FMN1: variants seen among roughly 807,000 people sequenced by gnomAD.
FMN1 encodes the protein formin-1.
A neutral mutation model predicts 132.4 loss-of-function variants in FMN1; 110 were observed. That is an observed-to-expected ratio of 0.83 (90% confidence interval 0.71 to 0.97). The LOEUF (loss-of-function observed/expected upper bound fraction) is 0.97. Among genes scored for constraint, FMN1 ranks in the 50% least tolerant of loss-of-function variants. The probability of loss-of-function intolerance (pLI) is 0.00; values close to 1 mark genes in which losing one functional copy is unlikely to be tolerated. For missense variants in FMN1, 1,792 were observed against 1,705.3 expected (o/e 1.05, Z -0.90); for synonymous variants, 722 against 651.7 (o/e 1.11, Z -1.64).
intron 16 of FMN1, among the ~76,000 whole-genome samples, chr15:32,885,346 G>T (rs1168955934): frequency 2.0e-5 from 3 of 152,104 alleles, no homozygotes; most frequent in Admixed American, 6.5e-5. Flanking sequence ...TCTTCATGAG[G>T]CTTCACATTT....
intron 17 of FMN1, among the ~76,000 whole-genome samples, chr15:32,856,727 C>T (rs1268603473): frequency 6.6e-6 from 1 of 152,174 alleles, no homozygotes; most frequent in African/African-American, 2.4e-5. Flanking sequence ...TAAGGAATTC[C>T]TTGAGCCCCA....
intron 6 of FMN1, among the ~76,000 whole-genome samples, chr15:33,046,323 T>C (rs2036682379): frequency 6.6e-6 from 1 of 151,876 alleles, no homozygotes; most frequent in Non-Finnish European, 1.5e-5. Context: ...GAATGAACAA[T>C]GCACTGAAGT....
chr15:32,797,681 T>C (rs1426766506), intron 19 of FMN1, among the ~76,000 whole-genome samples: 2 of 152,182 alleles, frequency 1.3e-5, no homozygotes, highest in Non-Finnish European at 1.5e-5. Flanking sequence ...GGAAGATGTG[T>C]TGATAAACAC....
intron 4 of FMN1, among the ~76,000 whole-genome samples, chr15:33,091,372 A>T (rs1396448537): frequency 6.6e-6 from 1 of 152,180 alleles, no homozygotes; most frequent in Non-Finnish European, 1.5e-5. Context: ...TGTGCAATCC[A>T]ATTCACTCTC....
intron 5 of FMN1, chr15:33,066,551 G>C (rs764961923): frequency 6.3e-7 from 1 of 1,596,688 alleles, no homozygotes; most frequent in Non-Finnish European, 8.5e-7. Context: ...CTTAGAATTG[G>C]ACCGTTCAAA....
At chr15:32,948,375 T>C (rs2061553894) in intron 9 of FMN1, among the ~76,000 whole-genome samples, 1 of 152,040 alleles carries the variant, frequency 6.6e-6, no homozygotes, top group Admixed American at 6.6e-5. Context: ...AATTGTCCTG[T>C]AGTTTCTTTT....
intron 4 of FMN1, among the ~76,000 whole-genome samples, chr15:33,127,802 A>T (rs575024493): frequency 1.3e-5 from 2 of 152,324 alleles, no homozygotes; most frequent in South Asian, 4.1e-4. Flanking sequence ...CTTGCCACAC[A>T]TCCAAGATCT....
intron 3 of FMN1, among the ~76,000 whole-genome samples, chr15:33,160,733 A>G (rs139581586): frequency 5.0e-4 from 76 of 152,252 alleles, no homozygotes; most frequent in African/African-American, 1.7e-3. Flanking sequence ...TTGGCCTGTG[A>G]AGTGACCTGC....
At chr15:32,904,095 A>G (rs577619956) in intron 12 of FMN1, among the ~76,000 whole-genome samples, 1 of 152,280 alleles carries the variant, frequency 6.6e-6, no homozygotes, top group African/African-American at 2.4e-5. Flanking sequence ...AGCTTAATCT[A>G]CAGTCCCATC....
At chr15:33,121,530 G>C (rs965485270) in intron 4 of FMN1, among the ~76,000 whole-genome samples, 1 of 152,008 alleles carries the variant, frequency 6.6e-6, no homozygotes, top group Non-Finnish European at 1.5e-5. Context: ...AGTTGGTTTT[G>C]TTTTGTTTGT....
At chr15:32,881,505 T>C (rs1385189790) in intron 16 of FMN1, among the ~76,000 whole-genome samples, 1 of 152,210 alleles carries the variant, frequency 6.6e-6, no homozygotes, top group African/African-American at 2.4e-5. Flanking sequence ...TGTTCAGTCC[T>C]TGATGAGTGT....
At chr15:33,024,690 A>C (rs1296034424) in intron 6 of FMN1, among the ~76,000 whole-genome samples, 3 of 152,256 alleles carry the variant, frequency 2.0e-5, no homozygotes, top group Non-Finnish European at 1.5e-5. Context: ...AAAGGCGCAC[A>C]TAAGTAAAAT....
At chr15:32,913,984 T>C (rs938452047) in intron 10 of FMN1, among the ~76,000 whole-genome samples, 11 of 152,170 alleles carry the variant, frequency 7.2e-5, no homozygotes, top group Middle Eastern at 3.2e-3. Context: ...TGAATCATGG[T>C]TGTTTGCTTC....
At chr15:33,014,311 T>G (rs1232731666) in intron 6 of FMN1, among the ~76,000 whole-genome samples, 1 of 152,336 alleles carries the variant, frequency 6.6e-6, no homozygotes, top group South Asian at 2.1e-4. Context: ...TGCAGATGCC[T>G]GAGTGTGAGG....
chr15:32,983,030 C>T (rs1221690652), intron 7 of FMN1, among the ~76,000 whole-genome samples: 1 of 152,018 alleles, frequency 6.6e-6, no homozygotes, highest in African/African-American at 2.4e-5. Flanking sequence ...CGTATACACG[C>T]ACACATAGAC....
intron 8 of FMN1, among the ~76,000 whole-genome samples, chr15:32,966,929 A>T (rs910030600): frequency 2.6e-5 from 4 of 152,230 alleles, no homozygotes; most frequent in Non-Finnish European, 4.4e-5. Context: ...AGGTACAAAA[A>T]GTTGGAGGGA....
intron 17 of FMN1, among the ~76,000 whole-genome samples, chr15:32,838,255 AAAAATT>A (rs1411843697): frequency 1.3e-5 from 2 of 152,170 alleles, no homozygotes; most frequent in Non-Finnish European, 2.9e-5. Flanking sequence ...GTAAGAGAGA[AAAAATT>A]AAAAGCGGAA....
intron 4 of FMN1, among the ~76,000 whole-genome samples, chr15:33,113,953 C>T (rs563691045): frequency 1.3e-5 from 2 of 152,340 alleles, no homozygotes; most frequent in South Asian, 4.1e-4. Flanking sequence ...TCCTTAGCCA[C>T]CTACCTGCTC....
rs1050576613 is a variant in FMN1, at chr15:32,936,743, G to A, written c.3139-10482C>T. On this transcript the variant is annotated intron_variant, in intron 9 of 20. Transcript: ENST00000616417. ...AAGGAGAAGAAGAAGAAAAGAAGAT[G>A]GGTGAAGATGAAGAAGAGCAAGAGG... 3.3e-5 allele frequency among the ~76,000 whole-genome samples: 5 copies of A among 152,148 alleles called. No individual in the cohort carries two copies. In the East Asian group the frequency reaches 5.8e-4, roughly 18 times the overall value.
Sources: allele counts gnomAD v4.1 joint callset (sites outside exome capture counted in the v4.1 genomes callset), GRCh38; gene constraint gnomAD v4.1.1; transcripts MANE v1.5; gene names NCBI Gene and HGNC (gene_info 2026-07-23, HGNC 2026-07-21).